Variants in NEXMIF observed in about 807,000 individuals in gnomAD.
NEXMIF encodes the protein neurite extension and migration factor.
NEXMIF carries 8 observed loss-of-function variants against 62.1 expected under a neutral mutation model. That is an observed-to-expected ratio of 0.13 (90% CI 0.08 to 0.23). NEXMIF has a LOEUF of 0.23. Among genes scored for constraint, NEXMIF ranks in the 10% least tolerant of loss-of-function variants. The pLI, the probability that NEXMIF is intolerant of heterozygous loss-of-function variation, is 1.00. For synonymous variants in NEXMIF, 404 were observed against 416.6 expected, an observed-to-expected ratio of 0.97 and a Z score of 0.37; for missense variants, 976 against 1,113.3, an observed-to-expected ratio of 0.88 and a Z score of 1.75.
chrX:74,874,276 C>T (rs1471163710), intron 1 of NEXMIF, among the ~76,000 whole-genome samples: 1 of 106,613 alleles, frequency 9.4e-6, no homozygotes, highest in African/African-American at 3.4e-5. Context: ...TTGTTTTTCT[C>T]AGGTTTGTCA....
intron 1 of NEXMIF, among the ~76,000 whole-genome samples, chrX:74,885,955 C>G (rs1459258488): frequency 8.9e-6 from 1 of 112,044 alleles, no homozygotes; most frequent in Non-Finnish European, 1.9e-5. Context: ...CCACCATGAT[C>G]AAGTGTGCTT....
intron 1 of NEXMIF, among the ~76,000 whole-genome samples, chrX:74,863,470 A>G (rs1316921599): frequency 8.9e-6 from 1 of 111,998 alleles, no homozygotes; most frequent in Non-Finnish European, 1.9e-5. Context: ...ACAAAAAACC[A>G]TCAGAGAATA....
At chrX:74,753,873 G>T (rs1366090076) in intron 1 of NEXMIF, among the ~76,000 whole-genome samples, 3 of 112,453 alleles carry the variant, frequency 2.7e-5, no homozygotes, top group Non-Finnish European at 3.8e-5. Flanking sequence ...AATAAATTCA[G>T]CTATTTAATA....
At chrX:74,839,797 C>T (rs1470505477) in intron 1 of NEXMIF, among the ~76,000 whole-genome samples, 1 of 112,328 alleles carries the variant, frequency 8.9e-6, no homozygotes, top group Non-Finnish European at 1.9e-5. Flanking sequence ...ATCACATTTT[C>T]GTTATCCAAT....
At chrX:74,904,631 G>C in intron 1 of NEXMIF, among the ~76,000 whole-genome samples, 1 of 111,413 alleles carries the variant, frequency 9.0e-6, no homozygotes, top group Non-Finnish European at 1.9e-5. Context: ...TTACTCTTCT[G>C]TATTTCCCAT....
At chrX:74,833,746 T>G (rs1291179598) in intron 1 of NEXMIF, among the ~76,000 whole-genome samples, 2 of 111,792 alleles carry the variant, frequency 1.8e-5, no homozygotes, top group Non-Finnish European at 3.8e-5. Flanking sequence ...CATTGCATGT[T>G]TTTTGATTTG....
chrX:74,862,638 G>A (rs191340519), intron 1 of NEXMIF, among the ~76,000 whole-genome samples: 58 of 111,119 alleles, frequency 5.2e-4, no homozygotes, highest in Non-Finnish European at 5.7e-4. Flanking sequence ...ACAAACAGTC[G>A]CTCAGACCAC....
At chrX:74,839,530 C>T (rs893896692) in intron 1 of NEXMIF, among the ~76,000 whole-genome samples, 1 of 111,593 alleles carries the variant, frequency 9.0e-6, no homozygotes, top group African/African-American at 3.3e-5. Flanking sequence ...AGCCCAGTAC[C>T]CAATAGTTAT....
chrX:74,852,546 C>G (rs779108738), intron 1 of NEXMIF, among the ~76,000 whole-genome samples: 3 of 111,791 alleles, frequency 2.7e-5, no homozygotes, highest in Non-Finnish European at 5.6e-5. Context: ...GGAACATTCT[C>G]CAAGATATAG....
intron 1 of NEXMIF, among the ~76,000 whole-genome samples, chrX:74,808,407 C>A (rs1385305882): frequency 9.1e-6 from 1 of 109,385 alleles, no homozygotes; most frequent in Non-Finnish European, 1.9e-5. Context: ...GACTCTGTCT[C>A]AAAAAAAAAT....
At chrX:74,775,637 T>A (rs1286062503) in intron 1 of NEXMIF, among the ~76,000 whole-genome samples, 1 of 111,382 alleles carries the variant, frequency 9.0e-6, no homozygotes, top group Admixed American at 9.5e-5. Flanking sequence ...GGCTGAATAT[T>A]TTTTAGGTGG....
intron 1 of NEXMIF, among the ~76,000 whole-genome samples, chrX:74,897,761 G>A (rs2080737057): frequency 9.0e-6 from 1 of 111,288 alleles, no homozygotes; most frequent in Admixed American, 9.6e-5. Flanking sequence ...GTTTTTCATG[G>A]CAGAAGGCAA....
At chrX:74,778,530 T>A (rs1353188824) in intron 1 of NEXMIF, among the ~76,000 whole-genome samples, 1 of 111,640 alleles carries the variant, frequency 9.0e-6, no homozygotes, top group Non-Finnish European at 1.9e-5. Flanking sequence ...TTGATATACA[T>A]TTAACCCTTA....
At chrX:74,797,679 T>C (rs1245156115) in intron 1 of NEXMIF, among the ~76,000 whole-genome samples, 1 of 111,797 alleles carries the variant, frequency 8.9e-6, no homozygotes, top group East Asian at 2.8e-4. Flanking sequence ...ATCTGTACCA[T>C]GAGGAGTGGA....
intron 1 of NEXMIF, among the ~76,000 whole-genome samples, chrX:74,789,521 C>T (rs1364048368): frequency 3.6e-5 from 4 of 110,925 alleles, no homozygotes; most frequent in African/African-American, 1.3e-4. Context: ...AATGGTATTT[C>T]CAGTTCTAGA....
rs2080494390 is a variant in NEXMIF at position 74,847,090 on chromosome X, T to C, written c.-48+77793A>G. On this transcript the variant is annotated intron_variant, in intron 1 of 3. Transcript: ENST00000055682. ...TCATAAAGCAAAGTGAAGGGTTTGT[T>C]TTCTGAAAACACAAAGTCATTTTCT... 4.4e-5 allele frequency among the ~76,000 whole-genome samples: 5 copies of C among 112,510 alleles called. 1 individual carries two copies. Among genetic ancestry groups the C allele is most frequent in the Admixed American group, 1.9e-4 (2 of 10,659 alleles).
chrX:74,851,033 C>A (rs187846697), intron 1 of NEXMIF, among the ~76,000 whole-genome samples: 1 of 107,622 alleles, frequency 9.3e-6, no homozygotes, highest in Admixed American at 9.9e-5. Flanking sequence ...AAAAAAGAAA[C>A]AAACAGAAAT....
At chrX:74,891,895 A>G (rs1026642052) in intron 1 of NEXMIF, among the ~76,000 whole-genome samples, 1 of 112,138 alleles carries the variant, frequency 8.9e-6, no homozygotes, top group African/African-American at 3.2e-5. Flanking sequence ...ACCCTTTCAC[A>G]GCTCAACCTG....
chrX:74,820,244 G>T (rs1407926552), intron 1 of NEXMIF, among the ~76,000 whole-genome samples: 1 of 110,139 alleles, frequency 9.1e-6, no homozygotes, highest in African/African-American at 3.3e-5. Flanking sequence ...TAAATGACCA[G>T]TTGATGGGTG....
Sources: gnomAD v4.1 joint callset for allele counts (sites outside exome capture counted in the v4.1 genomes callset) on GRCh38, gnomAD v4.1.1 for gene constraint, MANE v1.5 for transcripts, NCBI Gene and HGNC (gene_info 2026-07-23, HGNC 2026-07-21) for gene names.